Variants in TMEM201 observed in about 807,000 individuals in gnomAD.
The protein encoded by TMEM201 is transmembrane protein 201.
In TMEM201, 26 loss-of-function variants were observed where a neutral mutation model predicts 63.4. The observed-to-expected ratio is 0.41, with a 90% CI of 0.30 to 0.57. The LOEUF (loss-of-function observed/expected upper bound fraction) is 0.57. Ranked by LOEUF, TMEM201 falls within the 20% of genes least tolerant of loss-of-function variation. The pLI, the probability that TMEM201 is intolerant of heterozygous loss-of-function variation, is 0.29. For synonymous variants in TMEM201, 417 were observed against 421.6 expected (o/e 0.99, Z 0.14); for missense variants, 794 against 917.7 (o/e 0.87, Z 1.74).
chr1:9,601,970 T>A, intron 5 of TMEM201, 99 bp from the exon 6 acceptor site: 3 of 1,408,066 alleles, frequency 2.1e-6, no homozygotes, highest in South Asian at 1.4e-5. Flanking sequence ...TCTGGACTCT[T>A]CTGAGCAGGG....
At chr1:9,594,823 T>C (rs1643985947) in intron 1 of TMEM201, among the ~76,000 whole-genome samples, 1 of 152,232 alleles carries the variant, frequency 6.6e-6, no homozygotes, top group Non-Finnish European at 1.5e-5. Context: ...TTCACAGATG[T>C]GGACACTGAG....
intron 6 of TMEM201, chr1:9,606,649 A>G (rs1259121049): frequency 6.6e-6 from 1 of 152,054 alleles, no homozygotes; most frequent in Non-Finnish European, 1.5e-5. Context: ...GTAAGGCTGG[A>G]CCCCCGGAGC....
At position 9,607,645 on chromosome 1, in the gene TMEM201, C is replaced by G. The variant is rs1438697937; in HGVS notation, c.1249C>G (p.Leu417Val). 6.4e-7 allele frequency: 1 copy of G among 1,551,942 alleles called. No homozygotes were observed. Among genetic ancestry groups the G allele is most frequent in the East Asian group, 2.4e-5 (1 of 40,912 alleles). ...HPSVGGSPAS[L>V]FIPSPPSFLP... ...GAGTGTCGGAGGCTCTCCAGCGTCT[C>G]TGTTCATCCCCAGCCCGCCCAGCTT... is the stretch of plus-strand genomic sequence containing the variant. Residue 417 changes from leucine to valine, a missense_variant, in exon 7 of 11, where the codon CTG becomes GTG. Leu to Val is a conservative substitution (Grantham distance 32, BLOSUM62 1). Coordinates refer to ENST00000340381, the MANE Select transcript of TMEM201 (RefSeq NM_001130924.3). The surrounding 1 kb of genome is among the most constrained non-coding windows in gnomAD (Gnocchi z 5.4).
chr1:9,594,164 C>T (rs762414744), intron 1 of TMEM201, among the ~76,000 whole-genome samples: 2 of 152,212 alleles, frequency 1.3e-5, no homozygotes, highest in Admixed American at 6.5e-5. Flanking sequence ...GATGAGACTG[C>T]GGCCCTAGAA....
At chr1:9,597,790 G>C (rs888826618) in intron 3 of TMEM201, among the ~76,000 whole-genome samples, 34 of 152,322 alleles carry the variant, frequency 2.2e-4, no homozygotes, top group Admixed American at 1.0e-3. Flanking sequence ...GAAGGGGAAG[G>C]CAGGGGTGAC....
chr1:9,611,115 CTGCAAAGCATTTAAA>C (rs1644318308), intron 9 of TMEM201: 1 of 1,365,516 alleles, frequency 7.3e-7, no homozygotes, highest in South Asian at 1.3e-5. Flanking sequence ...TGGTGCTGTA[CTGCAAAGCATTTAAA>C]ATGTTTATAG....
chr1:9,600,938 G>T (rs1036265571), intron 4 of TMEM201, among the ~76,000 whole-genome samples, 167 bp from the exon 5 acceptor site: 1 of 152,102 alleles, frequency 6.6e-6, no homozygotes. Context: ...ACTCCTCCCC[G>T]CCCAGAAGTG....
At position 9,603,702 on chromosome 1, in the gene TMEM201, G is replaced by A. The variant is rs893831584; in HGVS notation, c.1160+1430G>A. 6.3e-5 allele frequency: 62 copies of A among 985,326 alleles called. No individual in the cohort carries two copies. Among genetic ancestry groups the A allele is most frequent in the Non-Finnish European group, 7.0e-5 (58 of 829,948 alleles). 61.0% of individuals were successfully genotyped at this position (985,326 alleles called of 1,614,324 possible). On this transcript the variant is annotated intron_variant, in intron 6 of 10. Coordinates refer to ENST00000340381, the MANE Select transcript of TMEM201 (RefSeq NM_001130924.3). This position sits in a 1 kb window ranked among gnomAD's most constrained non-coding sequence, Gnocchi z 4.5. ...GGCCTCACTGCTGTGAATCTGCCAC[G>A]CCTGGGGGTCCTAGAGGCTGCCCCA...
Position 9,604,335 on chromosome 1 carries a change from A to T in TMEM201, c.1160+2063A>T. 1.0e-6 allele frequency: 1 copy of T among 985,420 alleles called. No homozygotes were observed. 61.0% of individuals were successfully genotyped at this position (985,420 alleles called of 1,614,324 possible). On this transcript the variant is annotated intron_variant, in intron 6 of 10. Transcript: ENST00000340381. The surrounding 1 kb of genome is among the most constrained non-coding windows in gnomAD (Gnocchi z 4.1). ...CTCCTGCCCTCTGCCGGGGTCCGGAAGCGACATCTCAGGAGGTAGCTCTCA... is the reference window on the plus strand; with the variant it reads ...CTCCTGCCCTCTGCCGGGGTCCGGATGCGACATCTCAGGAGGTAGCTCTCA...
Position 9,610,799 on chromosome 1 carries a change from G to A in TMEM201, c.1759G>A (p.Ala587Thr), listed in dbSNP as rs771067594. ...RKPPLQDVKH[A>T]LDLRSKLERG... ...GCCGCCCCTGCAGGACGTGAAGCAC[G>A]CCCTGGGTACGGCCTTCTGACCACC... The change falls in exon 9 of 11, where the codon GCC (alanine) becomes ACC (threonine). Residue 587 changes from alanine to threonine, a missense_variant. Physicochemically the swap from Ala to Thr is moderately conservative, Grantham distance 58. Transcript: ENST00000340381. This position sits in a 1 kb window ranked among gnomAD's most constrained non-coding sequence, Gnocchi z 4.9. The A allele has an allele frequency of 1.8e-5, 28 of 1,540,270 alleles. No individual in the cohort carries two copies. In the East Asian group the frequency reaches 2.9e-4, roughly 16 times the overall value.
rs758842563 is a variant in TMEM201, at chr1:9,596,010, G to GGTGT, written c.234+2_234+5dup. 2.5e-6 allele frequency: 4 copies of GGTGT among 1,612,282 alleles called. No individual in the cohort carries two copies. The East Asian group carries it at 8.9e-5, about 36-fold the overall frequency. The stretch of plus-strand genomic sequence containing the variant: ...GCGAGCAGTACAACGGCTTCCAGGA[G>GGTGT]GTGTGGGTCACAGGCAGGCGGACGG... On this transcript the variant is annotated frameshift_variant and splice_region_variant. Coordinates refer to ENST00000340381, the MANE Select transcript of TMEM201 (RefSeq NM_001130924.3). LOFTEE classifies it high-confidence loss of function.
rs1341369367 is a variant in TMEM201 at position 9,603,068 on chromosome 1, A to G, written c.1160+796A>G. ...GGGAATCTGAGCTTTTCCAAGGGTA[A>G]GGGGCCCAGGGTATGCAGGCCTTCA... On this transcript the variant is annotated intron_variant, in intron 6 of 10. Coordinates refer to ENST00000340381, the MANE Select transcript of TMEM201 (RefSeq NM_001130924.3). This position sits in a 1 kb window ranked among gnomAD's most constrained non-coding sequence, Gnocchi z 4.5. 5.6e-5 allele frequency: 55 copies of G among 985,338 alleles called. No individual in the cohort carries two copies. Among genetic ancestry groups the G allele is most frequent in the Non-Finnish European group, 5.9e-5 (49 of 829,968 alleles). 61.0% of individuals were successfully genotyped at this position (985,338 alleles called of 1,614,324 possible).
rs764974252 is a variant in TMEM201, at chr1:9,602,052, C to G, written c.957-17C>G. On this transcript the variant is annotated splice_polypyrimidine_tract_variant and intron_variant, in intron 5 of 10. Coordinates refer to ENST00000340381, the MANE Select transcript of TMEM201 (RefSeq NM_001130924.3). ...GTCTTGTCCTCCCCTGGGGTGACCC[C>G]GCTGCTTCCCTTTCAGGCTCCGGAG... 6.2e-7 allele frequency: 1 copy of G among 1,606,730 alleles called. No individual in the cohort carries two copies. Among genetic ancestry groups the G allele is most frequent in the Non-Finnish European group, 8.5e-7 (1 of 1,176,636 alleles).
chr1:9,596,051 T>C (rs1043552166), intron 2 of TMEM201, 41 bp downstream of exon 2: 1 of 1,594,932 alleles, frequency 6.3e-7, no homozygotes, highest in African/African-American at 1.3e-5. Flanking sequence ...CACGCGGGGG[T>C]GGGGATCTTG....
chr1:9,598,466 G>A lies in TMEM201; in HGVS notation c.447G>A (p.Glu149=), dbSNP rs1644067672. ...APREEGRYDE[E]VEVYRHHLEQ... is the part of the protein sequence containing the mutation. ...CCCCACAGGGCAGGTATGACGAGGA[G>A]GTCGAGGTGTACCGGCATCACCTGG... Residue 149 remains glutamate (E), a synonymous_variant, in exon 4 of 11, where the codon GAG becomes GAA. Coordinates refer to ENST00000340381, the MANE Select transcript of TMEM201 (RefSeq NM_001130924.3). 1 of 1,613,552 alleles carries A rather than the reference G, an allele frequency of 6.2e-7. No individual in the cohort carries two copies. The highest frequency in any genetic ancestry group is 1.3e-5 in the African/African-American group (1 of 75,058).
At position 9,608,923 on chromosome 1, in the gene TMEM201, C is replaced by T. The variant is rs893647907; in HGVS notation, c.1394-917C>T. Among the ~76,000 whole-genome samples the T allele has an allele frequency of 5.9e-5, 9 of 152,106 alleles. No homozygotes were observed. The highest frequency in any genetic ancestry group is 1.4e-4 in the African/African-American group (6 of 41,418). On this transcript the variant is annotated intron_variant, in intron 7 of 10. Coordinates refer to ENST00000340381, the MANE Select transcript of TMEM201 (RefSeq NM_001130924.3). This position sits in a 1 kb window ranked among gnomAD's most constrained non-coding sequence, Gnocchi z 4.3. ...CCAGAGTGGGTCGGGGGGAGGAGCCCGGTCTCCATCGCCAGAGGGTGGGTC... is the reference window on the plus strand; with the variant it reads ...CCAGAGTGGGTCGGGGGGAGGAGCCTGGTCTCCATCGCCAGAGGGTGGGTC...
chr1:9,601,538 A>G (rs1644142939), intron 5 of TMEM201, 84 bp downstream of exon 5: 1 of 1,311,970 alleles, frequency 7.6e-7, no homozygotes, highest in South Asian at 1.4e-5. Flanking sequence ...AAGAGACCCC[A>G]TTGGGTGCAC....
Position 9,603,497 on chromosome 1 carries a change from C to T in TMEM201, c.1160+1225C>T. On this transcript the variant is annotated intron_variant, in intron 6 of 10. Coordinates refer to ENST00000340381, the MANE Select transcript of TMEM201 (RefSeq NM_001130924.3). The surrounding 1 kb of genome is among the most constrained non-coding windows in gnomAD (Gnocchi z 4.5). ...CCTCTGGCTGCCCACTCCCTCAGGG[C>T]CCACATGTCCTGCCACTCGCCACTC... is the stretch of plus-strand genomic sequence containing the variant. 2.0e-6 allele frequency: 2 copies of T among 985,526 alleles called. No individual in the cohort carries two copies. The highest frequency in any genetic ancestry group is 2.4e-6 in the Non-Finnish European group (2 of 829,984). 61.0% of individuals were successfully genotyped at this position (985,526 alleles called of 1,614,324 possible). A position where few individuals can be genotyped will look rare whatever the true frequency, so the allele number is the denominator to read the frequency against.
At position 9,605,889 on chromosome 1, in the gene TMEM201, A is replaced by G. The variant is rs187525178; in HGVS notation, c.1161-1668A>G. Among the ~76,000 whole-genome samples, 14 of 152,110 alleles carry G rather than the reference A, an allele frequency of 9.2e-5. No homozygotes were observed. Among genetic ancestry groups the G allele is most frequent in the Admixed American group, 8.5e-4 (13 of 15,282 alleles). ...CACCTCATACCCACAGCCCACTAGG[A>G]CCCTCCTTTCACACATCCCCCAACG... On this transcript the variant is annotated intron_variant, in intron 6 of 10. Transcript: ENST00000340381. The surrounding 1 kb of genome is among the most constrained non-coding windows in gnomAD (Gnocchi z 5.7).
Sources: allele counts gnomAD v4.1 joint callset (sites outside exome capture counted in the v4.1 genomes callset), GRCh38; gene constraint gnomAD v4.1.1; non-coding constraint Gnocchi (gnomAD v3.1); transcripts MANE v1.5; gene names NCBI Gene and HGNC (gene_info 2026-07-23, HGNC 2026-07-21).